CDH18: variants seen among roughly 807,000 people sequenced by gnomAD.
CDH18 encodes cadherin-18.
CDH18 carries 31 observed loss-of-function variants against 67.9 expected under a neutral mutation model. The observed-to-expected ratio is 0.46, with a 90% CI of 0.34 to 0.62. The LOEUF (loss-of-function observed/expected upper bound fraction) is 0.62. CDH18 is among the 20% of genes least tolerant of loss of function. The pLI is 0.01. For synonymous variants in CDH18, 362 were observed against 347.2 expected, an observed-to-expected ratio of 1.04 and a Z score of -0.48; for missense variants, 890 against 975.5, an observed-to-expected ratio of 0.91 and a Z score of 1.17.
intron 5 of CDH18, among the ~76,000 whole-genome samples, chr5:19,644,256 T>C (rs1362524696): frequency 1.3e-5 from 2 of 152,086 alleles, no homozygotes; most frequent in Non-Finnish European, 2.9e-5. Flanking sequence ...CAGTAGTTTA[T>C]CAAGGAAGCT....
At chr5:20,552,775 A>G (rs1034895600) in intron 1 of CDH18, among the ~76,000 whole-genome samples, 9 of 151,930 alleles carry the variant, frequency 5.9e-5, no homozygotes, top group Non-Finnish European at 1.2e-4. Flanking sequence ...TTTTTTTCAA[A>G]CAGAGTCTTG....
chr5:20,064,625 T>C (rs540922079), intron 2 of CDH18, among the ~76,000 whole-genome samples: 1 of 152,252 alleles, frequency 6.6e-6, no homozygotes, highest in Admixed American at 6.5e-5. Flanking sequence ...GGTGACATGG[T>C]GCTTAGCTGA....
intron 1 of CDH18, among the ~76,000 whole-genome samples, chr5:20,306,806 C>G (rs986988914): frequency 1.3e-5 from 2 of 152,054 alleles, no homozygotes; most frequent in African/African-American, 4.8e-5. Context: ...TGATATATTA[C>G]TTTCCATATT....
chr5:20,253,915 C>A (rs1268872139), intron 2 of CDH18, among the ~76,000 whole-genome samples: 1 of 152,096 alleles, frequency 6.6e-6, no homozygotes, highest in Non-Finnish European at 1.5e-5. Context: ...AGATACTACA[C>A]AGGATGAAAA....
intron 1 of CDH18, among the ~76,000 whole-genome samples, chr5:20,311,287 C>T (rs1736965035): frequency 6.6e-6 from 1 of 151,154 alleles, no homozygotes; most frequent in Non-Finnish European, 1.5e-5. Flanking sequence ...CCAGCAATCC[C>T]ATTACTGGGT....
intron 2 of CDH18, among the ~76,000 whole-genome samples, chr5:20,092,045 C>T (rs1745485542): frequency 6.6e-6 from 1 of 152,066 alleles, no homozygotes; most frequent in Non-Finnish European, 1.5e-5. Context: ...TACATGATTG[C>T]AGTGCTGTCA....
intron 4 of CDH18, among the ~76,000 whole-genome samples, chr5:19,724,433 T>G (rs192274283): frequency 1.0e-3 from 159 of 152,120 alleles, no homozygotes; most frequent in Non-Finnish European, 1.6e-3. Flanking sequence ...TGTTCAATAT[T>G]TTGATTATGG....
chr5:20,057,440 A>G (rs1416136740), intron 2 of CDH18, among the ~76,000 whole-genome samples: 5 of 152,216 alleles, frequency 3.3e-5, no homozygotes, highest in Non-Finnish European at 5.9e-5. Context: ...TATGATAAAT[A>G]TACATCCTCT....
intron 5 of CDH18, among the ~76,000 whole-genome samples, chr5:19,693,672 G>A (rs1005896811): frequency 6.6e-6 from 1 of 152,144 alleles, no homozygotes; most frequent in Non-Finnish European, 1.5e-5. Flanking sequence ...CAAGGCAGGT[G>A]GATCACTTCT....
intron 3 of CDH18, among the ~76,000 whole-genome samples, chr5:19,780,885 G>C (rs1427275878): frequency 6.6e-6 from 1 of 152,174 alleles, no homozygotes; most frequent in South Asian, 2.1e-4. Context: ...ACTAAGAAAG[G>C]AGCCTATACT....
chr5:19,521,402 T>G (rs2126907061), intron 9 of CDH18, among the ~76,000 whole-genome samples: 1 of 152,298 alleles, frequency 6.6e-6, no homozygotes, highest in Admixed American at 6.5e-5. Flanking sequence ...CTAAGACTTT[T>G]TATCTTTTCA....
At chr5:20,536,995 C>A (rs1414374780) in intron 1 of CDH18, among the ~76,000 whole-genome samples, 2 of 152,178 alleles carry the variant, frequency 1.3e-5, no homozygotes, top group Middle Eastern at 3.4e-3. Flanking sequence ...CAGTCATATT[C>A]TATGTGGGAG....
intron 2 of CDH18, among the ~76,000 whole-genome samples, chr5:20,040,781 T>G (rs901328232): frequency 1.3e-5 from 2 of 152,108 alleles, no homozygotes; most frequent in Non-Finnish European, 2.9e-5. Context: ...TTCAAACAAC[T>G]GCTATTCTGC....
chr5:20,572,928 G>A (rs1050333965), intron 1 of CDH18, among the ~76,000 whole-genome samples: 1 of 152,122 alleles, frequency 6.6e-6, no homozygotes, highest in Non-Finnish European at 1.5e-5. Flanking sequence ...CAGACTGAGG[G>A]TGATGCTTAC....
chr5:19,588,519 A>G (rs1264541892), intron 7 of CDH18, among the ~76,000 whole-genome samples: 2 of 152,102 alleles, frequency 1.3e-5, no homozygotes, highest in Non-Finnish European at 2.9e-5. Context: ...ACCAGCTAGC[A>G]TCATAATGAC....
At chr5:20,394,917 A>G (rs1745163545) in intron 1 of CDH18, among the ~76,000 whole-genome samples, 2 of 152,148 alleles carry the variant, frequency 1.3e-5, no homozygotes. Context: ...GGCAAGTATT[A>G]AAAATTAAAA....
chr5:20,024,098 T>C (rs1222087044), intron 2 of CDH18, among the ~76,000 whole-genome samples: 2 of 152,220 alleles, frequency 1.3e-5, no homozygotes, highest in African/African-American at 2.4e-5. Flanking sequence ...AAACAAAGTA[T>C]TTTTAAAAGC....
At chr5:19,731,935 C>T (rs1251368971) in intron 4 of CDH18, among the ~76,000 whole-genome samples, 1 of 145,930 alleles carries the variant, frequency 6.9e-6, no homozygotes, top group Non-Finnish European at 1.5e-5. Context: ...ACAAAACACA[C>T]AAAAATTAGC....
intron 3 of CDH18, among the ~76,000 whole-genome samples, chr5:19,775,528 C>G (rs763765742): frequency 3.3e-5 from 5 of 151,444 alleles, no homozygotes; most frequent in Non-Finnish European, 7.4e-5. Flanking sequence ...AAAGCAGGAG[C>G]GAGAGAAAGA....
Sources: gnomAD v4.1 joint callset for allele counts (sites outside exome capture counted in the v4.1 genomes callset) on GRCh38, gnomAD v4.1.1 for gene constraint, MANE v1.5 for transcripts, NCBI Gene and HGNC (gene_info 2026-07-23, HGNC 2026-07-21) for gene names.